The following NECAB2 variants were observed in gnomAD, a reference collection of about 807,000 sequenced individuals.
The protein encoded by NECAB2 is N-terminal EF-hand calcium binding protein 2, also known as N-terminal EF-hand calcium-binding protein 2.
NECAB2 carries 68 observed loss-of-function variants against 51.9 expected under a neutral mutation model. That is an observed-to-expected ratio of 1.31 (90% confidence interval 1.08 to 1.60). The LOEUF (loss-of-function observed/expected upper bound fraction) is 1.60. Ranked by LOEUF, NECAB2 falls within the 40% of genes most tolerant of loss-of-function variation. The probability of loss-of-function intolerance (pLI) is 0.00; values close to 1 mark genes in which losing one functional copy is unlikely to be tolerated. For missense variants in NECAB2, 854 were observed against 490.3 expected, an observed-to-expected ratio of 1.74 and a Z score of -7.00; for synonymous variants, 329 against 203.5, an observed-to-expected ratio of 1.62 and a Z score of -5.25.
At chr16:83,980,190 C>G (rs1349113309) in intron 3 of NECAB2, among the ~76,000 whole-genome samples, 1 of 152,228 alleles carries the variant, frequency 6.6e-6, no homozygotes, top group Non-Finnish European at 1.5e-5. Context: ...TCCAGACCAT[C>G]TCTAGCCAGT....
At chr16:83,999,616 C>T (rs1032152618) in intron 10 of NECAB2, among the ~76,000 whole-genome samples, 2 of 152,064 alleles carry the variant, frequency 1.3e-5, no homozygotes, top group Non-Finnish European at 2.9e-5. Flanking sequence ...TCACTTGGGG[C>T]TTCCTCATTG....
Position 84,002,513 on chromosome 16 carries a change from C to T in NECAB2, c.*167C>T, listed in dbSNP as rs753735688. ...TGAAGGAGGCCGCCCCTGCCCCCAC[C>T]TGAGAAGGCAGAGCAGTGTCTGTGC... On this transcript the variant is annotated 3_prime_UTR_variant, in exon 13 of 13. Coordinates refer to ENST00000305202, the MANE Select transcript of NECAB2 (RefSeq NM_019065.3). 1.2e-6 allele frequency: 1 copy of T among 854,722 alleles called. No homozygotes were observed. The highest frequency in any genetic ancestry group is 1.8e-6 in the Non-Finnish European group (1 of 540,760). 52.9% of individuals were successfully genotyped at this position (854,722 alleles called of 1,614,324 possible). A position where few individuals can be genotyped will look rare whatever the true frequency, so the allele number is the denominator to read the frequency against.
At chr16:83,969,718 G>A (rs1410291761) in intron 1 of NECAB2, among the ~76,000 whole-genome samples, 2 of 152,150 alleles carry the variant, frequency 1.3e-5, no homozygotes, top group Non-Finnish European at 2.9e-5. Flanking sequence ...AGGAGGAGGT[G>A]GAGGAGGCTT....
chr16:83,978,297 G>A, intron 2 of NECAB2, 147 bp from the exon 3 acceptor site: 1 of 618,704 alleles, frequency 1.6e-6, no homozygotes, highest in Non-Finnish European at 2.8e-6. Context: ...TTTTAGTTTG[G>A]GGATTAGCTG....
At chr16:83,990,875 T>G (rs2084615218) in intron 6 of NECAB2, among the ~76,000 whole-genome samples, 2 of 152,170 alleles carry the variant, frequency 1.3e-5, no homozygotes, top group African/African-American at 2.4e-5. Context: ...TGTACATATT[T>G]ATTAATACAG....
chr16:83,990,990 A>T (rs75381274), intron 6 of NECAB2, among the ~76,000 whole-genome samples: 8,623 of 151,880 alleles, frequency 0.057, 300 homozygotes, highest in Middle Eastern at 0.13. Flanking sequence ...TTATTTATTT[A>T]TTTTTTTGTT....
upstream of NECAB2, among the ~76,000 whole-genome samples, chr16:83,968,105 G>T (rs1178004694): frequency 6.6e-6 from 1 of 151,814 alleles, no homozygotes; most frequent in Non-Finnish European, 1.5e-5. Context: ...CAAGGGGGCG[G>T]CCTGAGGGGG....
chr16:83,998,209 T>C lies in NECAB2; in HGVS notation c.854T>C (p.Leu285Pro). 4 of 1,609,314 alleles carry C rather than the reference T, an allele frequency of 2.5e-6. No homozygotes were observed. Among genetic ancestry groups the C allele is most frequent in the Non-Finnish European group, 3.4e-6 (4 of 1,179,920 alleles). Reference protein sequence around the residue: ...LSDEDGTNMHLQLVRQEMAVC... With the variant: ...LSDEDGTNMHPQLVRQEMAVC... ...GACTCCTGCTGTGCCCGGCAGCACC[T>C]GCAGCTGGTCCGGCAGGAGATGGCC... Residue 285 changes from leucine (L) to proline (P), a missense_variant, in exon 10 of 13, where the codon CTG becomes CCG. By Grantham distance (98) the Leu-to-Pro change is moderately conservative. Coordinates refer to ENST00000305202, the MANE Select transcript of NECAB2 (RefSeq NM_019065.3).
At chr16:83,987,981 T>G (rs1194516921) in intron 5 of NECAB2, among the ~76,000 whole-genome samples, 1 of 152,236 alleles carries the variant, frequency 6.6e-6, no homozygotes, top group Non-Finnish European at 1.5e-5. Context: ...TATCATTATA[T>G]TCCTACCTTT....
Position 83,994,300 on chromosome 16 carries a change from A to T in NECAB2, c.597-2A>T. ...CTGTGTGTGTTCCCATCCAAACTGC[A>T]GACAGAACCACATCAAACCCAGCCA... On this transcript the variant is annotated splice_acceptor_variant, in intron 6 of 12. Coordinates refer to ENST00000305202, the MANE Select transcript of NECAB2 (RefSeq NM_019065.3). LOFTEE classifies it high-confidence loss of function. 6.2e-7 allele frequency: 1 copy of T among 1,614,182 alleles called. No individual in the cohort carries two copies. The highest frequency in any genetic ancestry group is 1.6e-4 in the Middle Eastern group (1 of 6,062).
In NECAB2 at chr16:83,984,145, G is replaced by A. The variant is rs181974718; in HGVS notation, c.459+3018G>A. ...CGAGTAGCTGGGACTACAGGCGCCC[G>A]CTACTACGCCTGGCTAATTTTTTGT... On this transcript the variant is annotated intron_variant, in intron 5 of 12. Coordinates refer to ENST00000305202, the MANE Select transcript of NECAB2 (RefSeq NM_019065.3). Among the ~76,000 whole-genome samples, 67 of 151,772 alleles carry A rather than the reference G, an allele frequency of 4.4e-4. 1 individual carries two copies. Among genetic ancestry groups the A allele is most frequent in the African/African-American group, 1.4e-3 (59 of 41,440 alleles).
In NECAB2 at chr16:84,002,690, C is replaced by G. The variant is rs1279582718; in HGVS notation, c.*344C>G. On this transcript the variant is annotated 3_prime_UTR_variant, in exon 13 of 13. Coordinates refer to ENST00000305202, the MANE Select transcript of NECAB2 (RefSeq NM_019065.3). Reference sequence around the variant, plus strand: ...GCCCTCTTCGGTGACATTCTTCTACCTAGTAGGAGTCATGCCCCTGTAGTG... The same window carrying G: ...GCCCTCTTCGGTGACATTCTTCTACGTAGTAGGAGTCATGCCCCTGTAGTG... 1 of 365,854 alleles carries G rather than the reference C, an allele frequency of 2.7e-6. No individual in the cohort carries two copies. Among genetic ancestry groups the G allele is most frequent in the Non-Finnish European group, 5.1e-6 (1 of 194,766 alleles). The allele number at this position is 365,854 out of a possible 1,614,324, so 22.7% of individuals were successfully genotyped here.
chr16:83,984,180 A>C (rs1267837719), intron 5 of NECAB2, among the ~76,000 whole-genome samples: 1 of 151,584 alleles, frequency 6.6e-6, no homozygotes, highest in African/African-American at 2.4e-5. Context: ...TATTTTTAGT[A>C]GAGACGGGGT....
intron 5 of NECAB2, among the ~76,000 whole-genome samples, chr16:83,988,482 T>A (rs1365041633): frequency 1.3e-5 from 2 of 152,264 alleles, no homozygotes; most frequent in Admixed American, 6.5e-5. Context: ...CCCTATGCTT[T>A]ATTGACTAAA....
chr16:83,986,617 A>G (rs2084559949), intron 5 of NECAB2, among the ~76,000 whole-genome samples: 1 of 151,714 alleles, frequency 6.6e-6, no homozygotes, highest in Non-Finnish European at 1.5e-5. Flanking sequence ...GACCCAAGTG[A>G]TCTTCCCACT....
At chr16:83,986,268 C>T (rs546099633) in intron 5 of NECAB2, among the ~76,000 whole-genome samples, 239 of 152,324 alleles carry the variant, frequency 1.6e-3, no homozygotes, top group African/African-American at 5.6e-3. Context: ...CCACCCGCCT[C>T]AGTCTCCCAA....
intron 1 of NECAB2, among the ~76,000 whole-genome samples, chr16:83,969,502 T>C (rs891354814): frequency 6.7e-6 from 1 of 150,186 alleles, no homozygotes; most frequent in Non-Finnish European, 1.5e-5. Flanking sequence ...CCAAGTCCTC[T>C]GTTCCCTTCC....
intron 5 of NECAB2, among the ~76,000 whole-genome samples, chr16:83,983,248 T>TG (rs556334023): frequency 6.4e-4 from 98 of 152,354 alleles, no homozygotes; most frequent in African/African-American, 2.2e-3. Flanking sequence ...TTTTCTTGTA[T>TG]GTGCTGTTTG....
intron 12 of NECAB2, 79 bp downstream of exon 12, chr16:84,001,995 C>G: frequency 1.4e-6 from 2 of 1,468,932 alleles, no homozygotes; most frequent in Non-Finnish European, 1.9e-6. Context: ...CCCCATATCT[C>G]CCGGGGACTT....
Sources: allele counts gnomAD v4.1 joint callset (sites outside exome capture counted in the v4.1 genomes callset), GRCh38; gene constraint gnomAD v4.1.1; transcripts MANE v1.5; gene names NCBI Gene and HGNC (gene_info 2026-07-23, HGNC 2026-07-21).